Variants in GDPD4 observed in about 807,000 individuals in gnomAD.
The protein encoded by GDPD4 is glycerophosphodiester phosphodiesterase 6.
Under a neutral mutation model 67.8 loss-of-function variants are expected in GDPD4, and 60 were observed. The observed-to-expected ratio is 0.88, with a 90% CI of 0.72 to 1.10. The LOEUF is 1.10. GDPD4 is among the 50% of genes least tolerant of loss of function. The pLI is 0.00. For synonymous variants in GDPD4, 212 were observed against 210.9 expected (o/e 1.00, Z -0.04); for missense variants, 623 against 613.9 (o/e 1.01, Z -0.16).
intron 13 of GDPD4, among the ~76,000 whole-genome samples, chr11:77,234,789 A>C (rs1359319108): frequency 6.6e-6 from 1 of 152,200 alleles, no homozygotes; most frequent in African/African-American, 2.4e-5. Context: ...GCTATTGTGA[A>C]TAGTGCTGCA....
chr11:77,298,835 TTTTC>T (rs1938066939), intron 1 of GDPD4, among the ~76,000 whole-genome samples: 1 of 152,148 alleles, frequency 6.6e-6, no homozygotes, highest in South Asian at 2.1e-4. Context: ...TAAAATATTT[TTTTC>T]TTTTTTGACT....
At chr11:77,288,780 A>T (rs1242880475) in intron 1 of GDPD4, among the ~76,000 whole-genome samples, 5 of 152,236 alleles carry the variant, frequency 3.3e-5, no homozygotes, top group Non-Finnish European at 7.3e-5. Flanking sequence ...CTTCGAAGTA[A>T]TGTGATAATT....
chr11:77,216,594 C>G lies in GDPD4; in HGVS notation c.*683G>C, dbSNP rs984319371. On this transcript the variant is annotated 3_prime_UTR_variant, in exon 17 of 17. Transcript: ENST00000315938. ...TTGCCTTTACTTATATGCACAGTCA[C>G]TCCTTTAGCAGAAAATATTATGGAG... The G allele has an allele frequency of 1.0e-4, 32 of 318,162 alleles. No individual in the cohort carries two copies. The highest frequency in any genetic ancestry group is 6.6e-4 in the African/African-American group (31 of 47,038). The allele number at this position is 318,162 out of a possible 1,614,324, so 19.7% of individuals were successfully genotyped here. A position where few individuals can be genotyped will look rare whatever the true frequency, so the allele number is the denominator to read the frequency against.
chr11:77,229,860 G>C (rs182156319), intron 14 of GDPD4, among the ~76,000 whole-genome samples: 19 of 152,176 alleles, frequency 1.2e-4, no homozygotes, highest in African/African-American at 4.6e-4. Context: ...ATTTCCCAGA[G>C]CTCTGTCTTC....
intron 4 of GDPD4, among the ~76,000 whole-genome samples, chr11:77,278,589 T>C (rs1429323758): frequency 6.6e-6 from 1 of 152,198 alleles, no homozygotes; most frequent in African/African-American, 2.4e-5. Flanking sequence ...AAAGAAAAAG[T>C]TCATGCAAAT....
chr11:77,252,866 G>A (rs1020554835), intron 11 of GDPD4, among the ~76,000 whole-genome samples: 1 of 152,208 alleles, frequency 6.6e-6, no homozygotes, highest in African/African-American at 2.4e-5. Context: ...TGTTGTTAAT[G>A]TCCTTGGTCC....
intron 2 of GDPD4, among the ~76,000 whole-genome samples, chr11:77,286,628 C>T: frequency 6.6e-6 from 1 of 152,224 alleles, no homozygotes; most frequent in East Asian, 1.9e-4. Context: ...CTTCTGTTCT[C>T]ATTTCAGTGT....
intron 11 of GDPD4, among the ~76,000 whole-genome samples, chr11:77,252,967 G>T (rs1427645982): frequency 1.3e-5 from 2 of 152,180 alleles, no homozygotes; most frequent in African/African-American, 4.8e-5. Context: ...GTCTGACACG[G>T]CCTACAATCA....
intron 13 of GDPD4, among the ~76,000 whole-genome samples, chr11:77,240,431 C>A (rs1379734907): frequency 2.0e-5 from 3 of 152,110 alleles, no homozygotes; most frequent in Non-Finnish European, 4.4e-5. Flanking sequence ...ATTGGATAGC[C>A]ACATGCAGAA....
chr11:77,298,402 C>T (rs1466920797), intron 1 of GDPD4, among the ~76,000 whole-genome samples: 1 of 152,162 alleles, frequency 6.6e-6, no homozygotes, highest in Non-Finnish European at 1.5e-5. Context: ...ATCCCAGCTA[C>T]TTGCGAAGCT....
At chr11:77,245,625 C>T (rs1958767154) in intron 11 of GDPD4, 123 bp from the exon 12 acceptor site, 1 of 637,418 alleles carries the variant, frequency 1.6e-6, no homozygotes. Flanking sequence ...CTCTGAAGTA[C>T]TAATCCTAGA....
intron 1 of GDPD4, among the ~76,000 whole-genome samples, chr11:77,291,859 C>A (rs1263374755): frequency 6.6e-6 from 1 of 151,876 alleles, no homozygotes; most frequent in African/African-American, 2.4e-5. Context: ...GGAGAAACCC[C>A]GTCTCTACTA....
intron 12 of GDPD4, 44 bp from the exon 13 acceptor site, chr11:77,243,892 C>G: frequency 6.7e-7 from 1 of 1,488,104 alleles, no homozygotes; most frequent in Non-Finnish European, 9.3e-7. Flanking sequence ...AATCAGCTAT[C>G]CAGGTACGAA....
intron 3 of GDPD4, among the ~76,000 whole-genome samples, chr11:77,284,169 T>C (rs567718956): frequency 6.4e-4 from 97 of 152,302 alleles, no homozygotes; most frequent in African/African-American, 2.2e-3. Context: ...GACACACATA[T>C]AATGCCTAAC....
intron 16 of GDPD4, among the ~76,000 whole-genome samples, chr11:77,217,518 CTA>C: frequency 4.6e-4 from 1 of 2,178 alleles, no homozygotes; most frequent in Middle Eastern, 0.1. Context: ...GCTTAAGAGT[CTA>C]CTACTGCATG....
intron 11 of GDPD4, among the ~76,000 whole-genome samples, chr11:77,255,307 C>T (rs1276440282): frequency 6.6e-6 from 1 of 152,182 alleles, no homozygotes; most frequent in Non-Finnish European, 1.5e-5. Flanking sequence ...TGGCTCACAT[C>T]TGTAATCCCA....
chr11:77,224,411 A>C (rs1339094031), intron 16 of GDPD4: 4 of 152,236 alleles, frequency 2.6e-5, no homozygotes, highest in Non-Finnish European at 4.4e-5. Context: ...GATTTACATT[A>C]CATTACATTA....
chr11:77,229,258 G>A, intron 14 of GDPD4, 26 bp from the exon 15 acceptor site: 1 of 1,396,668 alleles, frequency 7.2e-7, no homozygotes, highest in Non-Finnish European at 1.0e-6. Context: ...CACAGTGAAA[G>A]AACTTTACAG....
At chr11:77,263,558 A>T (rs1959160076) in intron 10 of GDPD4, among the ~76,000 whole-genome samples, 1 of 152,142 alleles carries the variant, frequency 6.6e-6, no homozygotes, top group South Asian at 2.1e-4. Context: ...TGCACTTGCC[A>T]TGGGTCTAAA....
Sources: gnomAD v4.1 joint callset for allele counts (sites outside exome capture counted in the v4.1 genomes callset) on GRCh38, gnomAD v4.1.1 for gene constraint, MANE v1.5 for transcripts, NCBI Gene and HGNC (gene_info 2026-07-23, HGNC 2026-07-21) for gene names.